UBE2V1: variants seen among roughly 807,000 people sequenced by gnomAD.
The protein encoded by UBE2V1 is ubiquitin-conjugating enzyme E2 variant 1.
In UBE2V1, 15 loss-of-function variants were observed where a neutral mutation model predicts 19.6. The observed-to-expected ratio is 0.77, with a 90% confidence interval of 0.51 to 1.18. The LOEUF (loss-of-function observed/expected upper bound fraction) is 1.18, where lower values mean the gene tolerates loss of function less well. Ranked by LOEUF, UBE2V1 falls within the 50% of genes most tolerant of loss-of-function variation. The probability of loss-of-function intolerance (pLI) is 0.00; values close to 1 mark genes in which losing one functional copy is unlikely to be tolerated. For synonymous variants in UBE2V1, 60 were observed against 60.7 expected (o/e 0.99, Z 0.05); for missense variants, 125 against 184.8 (o/e 0.68, Z 1.88).
intron 2 of UBE2V1, among the ~76,000 whole-genome samples, chr20:50,091,823 A>G (rs1440396646): frequency 6.6e-6 from 1 of 152,238 alleles, no homozygotes; most frequent in Admixed American, 6.5e-5. Context: ...AAAAAGATAT[A>G]TATTTACGTT....
chr20:50,083,597 G>A (rs933893947), intron 3 of UBE2V1: 4 of 153,220 alleles, frequency 2.6e-5, no homozygotes, highest in African/African-American at 9.6e-5. Flanking sequence ...AGGAGAGCAG[G>A]CCTCAAAGGC....
chr20:50,086,836 G>A (rs1286115937), intron 2 of UBE2V1, among the ~76,000 whole-genome samples: 2 of 152,204 alleles, frequency 1.3e-5, no homozygotes, highest in South Asian at 2.1e-4. Flanking sequence ...CCAGCACTTC[G>A]GGAAGCCGAG....
Position 50,104,426 on chromosome 20 carries a change from G to A in UBE2V1, c.23-7606C>T, listed in dbSNP as rs1185982820. On this transcript the variant is annotated intron_variant, in intron 1 of 3. Transcript: ENST00000371674. ...TAATCCCAGCACTTTGGGAGGCCGAGGCGGGCGGATCACGAGGTCAGGAGA... is the reference window on the plus strand; with the variant it reads ...TAATCCCAGCACTTTGGGAGGCCGAAGCGGGCGGATCACGAGGTCAGGAGA... 3 of 854,670 alleles carry A rather than the reference G, an allele frequency of 3.5e-6. No homozygotes were observed. The Admixed American group carries it at 1.9e-4, about 53-fold the overall frequency. The allele number at this position is 854,670 out of a possible 1,614,324, so 52.9% of individuals were successfully genotyped here.
At chr20:50,086,142 C>T (rs1005715998) in intron 2 of UBE2V1, among the ~76,000 whole-genome samples, 9 of 152,258 alleles carry the variant, frequency 5.9e-5, no homozygotes, top group Non-Finnish European at 8.8e-5. Flanking sequence ...CAGACTGACC[C>T]GGGCAGCCCT....
intron 1 of UBE2V1, among the ~76,000 whole-genome samples, chr20:50,100,424 A>G (rs545906794): frequency 1.3e-5 from 2 of 152,074 alleles, no homozygotes; most frequent in East Asian, 3.9e-4. Flanking sequence ...CGTCTCTACT[A>G]AAAATACAAA....
intron 3 of UBE2V1, chr20:50,083,797 C>G (rs1156624770): frequency 5.5e-6 from 1 of 182,092 alleles, no homozygotes; most frequent in African/African-American, 2.3e-5. Context: ...ACAAATAAGG[C>G]CCAGGGGGGT....
At chr20:50,096,850 C>T (rs1174243340) in intron 1 of UBE2V1, 30 bp from the exon 2 acceptor site, 19 of 1,612,710 alleles carry the variant, frequency 1.2e-5, no homozygotes, top group South Asian at 2.2e-5. Context: ...ATTCAAGATA[C>T]CAGCAACTCC....
intron 1 of UBE2V1, among the ~76,000 whole-genome samples, chr20:50,104,606 C>T (rs1380655322): frequency 2.4e-5 from 3 of 126,436 alleles, no homozygotes; most frequent in African/African-American, 9.3e-5. Flanking sequence ...TGCAGTGAGC[C>T]GAGATTGCGC....
chr20:50,113,390 G>A (rs751040241), upstream of UBE2V1, among the ~76,000 whole-genome samples: 49 of 152,368 alleles, frequency 3.2e-4, no homozygotes, highest in Admixed American at 9.8e-4. Context: ...GAGAAGGGCA[G>A]GGGTGACTAG....
At chr20:50,088,100 TAAA>T (rs11302479) in intron 2 of UBE2V1, among the ~76,000 whole-genome samples, 14 of 109,130 alleles carry the variant, frequency 1.3e-4, no homozygotes, top group Admixed American at 1.9e-4. Flanking sequence ...GTCTAATCAT[TAAA>T]AAAAAAAAAA....
chr20:50,085,973 C>T (rs2078889826), intron 2 of UBE2V1, among the ~76,000 whole-genome samples: 1 of 152,134 alleles, frequency 6.6e-6, no homozygotes, highest in Non-Finnish European at 1.5e-5. Context: ...TATCCATCCA[C>T]TTTCCTCCAC....
At chr20:50,094,801 A>C (rs891733468) in intron 2 of UBE2V1, 1 of 152,162 alleles carries the variant, frequency 6.6e-6, no homozygotes, top group African/African-American at 2.4e-5. Flanking sequence ...AAACGTTCTG[A>C]AATTAGTGAC....
chr20:50,111,337 C>T (rs2080739739), intron 1 of UBE2V1: 2 of 996,458 alleles, frequency 2.0e-6, no homozygotes, highest in African/African-American at 3.5e-5. Context: ...AGCTGTTAAC[C>T]CAGATTGTAG....
rs755048792 is a variant in UBE2V1, at chr20:50,106,870, AC to A, written c.22+6236del. 7.8e-3 allele frequency among the ~76,000 whole-genome samples: 722 copies of A among 92,178 alleles called. 5 individuals carry two copies. The highest frequency in any genetic ancestry group is 0.019 in the African/African-American group (349 of 18,798). 60.5% of individuals were successfully genotyped at this position (92,178 alleles called of 152,430 possible). A position where few individuals can be genotyped will look rare whatever the true frequency, so the allele number is the denominator to read the frequency against. ...AACAACAACAACAACAACAACAACA[AC>A]AACAAAAAAAAAAAAACAAAAAAAA... On this transcript the variant is annotated intron_variant, in intron 1 of 3. Transcript: ENST00000371674.
chr20:50,107,774 G>A (rs913013174), intron 1 of UBE2V1, among the ~76,000 whole-genome samples: 2 of 152,134 alleles, frequency 1.3e-5, no homozygotes, highest in Non-Finnish European at 2.9e-5. Context: ...CTGGTGCTAG[G>A]GACACAACAG....
Position 50,098,968 on chromosome 20 carries a change from T to C in UBE2V1, c.23-2148A>G, listed in dbSNP as rs903307149. The C allele has an allele frequency of 6.1e-6, 6 of 985,290 alleles. No homozygotes were observed. In the African/African-American group the frequency reaches 7.0e-5, roughly 11 times the overall value. The allele number at this position is 985,290 out of a possible 1,614,324, so 61.0% of individuals were successfully genotyped here. A position where few individuals can be genotyped will look rare whatever the true frequency, so the allele number is the denominator to read the frequency against. The stretch of plus-strand genomic sequence containing the variant: ...CAGCTATACTGGATTAAGTCTCCTG[T>C]AGCAAACATAAAACTGAAAGATAGT... On this transcript the variant is annotated intron_variant, in intron 1 of 3. Coordinates refer to ENST00000371674, the MANE Select transcript of UBE2V1 (RefSeq NM_001032288.3).
Position 50,084,773 on chromosome 20 carries a change from G to A in UBE2V1, c.172-519C>T, listed in dbSNP as rs1436300690. 1.4e-5 allele frequency: 5 copies of A among 345,502 alleles called. No individual in the cohort carries two copies. The Admixed American group carries it at 2.0e-4, about 14-fold the overall frequency. 21.4% of individuals were successfully genotyped at this position (345,502 alleles called of 1,614,324 possible). A position where few individuals can be genotyped will look rare whatever the true frequency, so the allele number is the denominator to read the frequency against. ...CCATCACTCCGGGGTTAGGCACTGG[G>A]TAAGGGATTTCAACTGGGGTGTTCC... On this transcript the variant is annotated intron_variant, in intron 2 of 3. Transcript: ENST00000371674.
At chr20:50,112,662 T>A (rs1403110057) in intron 1 of UBE2V1, among the ~76,000 whole-genome samples, 1 of 152,212 alleles carries the variant, frequency 6.6e-6, no homozygotes, top group Non-Finnish European at 1.5e-5. Context: ...AGGGCTTCTC[T>A]GATGTCCCCT....
chr20:50,113,171 C>G (rs780418563), upstream of UBE2V1: 118 of 1,267,784 alleles, frequency 9.3e-5, no homozygotes, highest in South Asian at 4.7e-4. Flanking sequence ...TCTTCACCCC[C>G]CCCTTACCCG....
Sources: allele counts gnomAD v4.1 joint callset (sites outside exome capture counted in the v4.1 genomes callset), GRCh38; gene constraint gnomAD v4.1.1; transcripts MANE v1.5; gene names NCBI Gene and HGNC (gene_info 2026-07-23, HGNC 2026-07-21).